LUZP2: variants seen among roughly 807,000 people sequenced by gnomAD.
LUZP2 encodes leucine zipper protein 2.
Under a neutral mutation model 51.6 loss-of-function variants are expected in LUZP2, and 52 were observed. The observed-to-expected ratio is 1.01, with a 90% confidence interval of 0.81 to 1.27. LUZP2 has a LOEUF of 1.27. Among genes scored for constraint, LUZP2 ranks in the 50% most tolerant of loss-of-function variants. The probability of loss-of-function intolerance (pLI) is 0.00; values close to 1 mark genes in which losing one functional copy is unlikely to be tolerated. For synonymous variants in LUZP2, 154 were observed against 137.3 expected, an observed-to-expected ratio of 1.12 and a Z score of -0.85; for missense variants, 436 against 395.4, an observed-to-expected ratio of 1.10 and a Z score of -0.87.
chr11:24,766,853 T>C (rs2716537), intron 5 of LUZP2, among the ~76,000 whole-genome samples: 101,925 of 152,026 alleles, frequency 0.67, 34,307 homozygotes, highest in African/African-American at 0.71. Flanking sequence ...CCTCCACCTC[T>C]TGGGTTCAAG....
At chr11:24,501,419 T>C (rs1849989302) in intron 1 of LUZP2, among the ~76,000 whole-genome samples, 1 of 152,316 alleles carries the variant, frequency 6.6e-6, no homozygotes, top group African/African-American at 2.4e-5. Context: ...AACTTGACCT[T>C]CTAACTAAGA....
chr11:24,863,258 T>C lies in LUZP2; in HGVS notation c.397-42733T>C, dbSNP rs556238963. On this transcript the variant is annotated intron_variant, in intron 5 of 11. Transcript: ENST00000336930. Reference sequence around the variant, plus strand: ...CATACCAAAACATGTACATGAATATTCATGGTGGCATTTTTCAAAATAGCC... The same window carrying C: ...CATACCAAAACATGTACATGAATATCCATGGTGGCATTTTTCAAAATAGCC... Among the ~76,000 whole-genome samples, 7 of 152,308 alleles carry C rather than the reference T, an allele frequency of 4.6e-5. No individual in the cohort carries two copies. In the South Asian group the frequency reaches 1.2e-3, roughly 27 times the overall value.
At chr11:24,598,093 T>C (rs1157950425) in intron 1 of LUZP2, among the ~76,000 whole-genome samples, 1 of 147,290 alleles carries the variant, frequency 6.8e-6, no homozygotes, top group Non-Finnish European at 1.5e-5. Context: ...ATAGTGAGAC[T>C]CTGTCTCAAA....
Position 24,983,145 on chromosome 11 carries a change from T to C in LUZP2, c.617T>C (p.Met206Thr), listed in dbSNP as rs753333234. ...TTGTAGGAGTCACAGATGAAAGCAA[T>C]GAAAGAGACTGTGCAGCTCTGCTTG... ...ALDRESQMKA[M>T]KETVQLCLTS... Residue 206 changes from methionine to threonine, a missense_variant, in exon 9 of 12, where the codon ATG (methionine) becomes ACG (threonine). Physicochemically the swap from Met to Thr is moderately conservative, Grantham distance 81. Coordinates refer to ENST00000336930, the MANE Select transcript of LUZP2 (RefSeq NM_001009909.4). 3.7e-6 allele frequency: 6 copies of C among 1,611,416 alleles called. No individual in the cohort carries two copies. In the Admixed American group the frequency reaches 1.0e-4, roughly 27 times the overall value.
At chr11:25,051,132 A>G (rs1198434156) in intron 10 of LUZP2, among the ~76,000 whole-genome samples, 1 of 152,162 alleles carries the variant, frequency 6.6e-6, no homozygotes, top group Non-Finnish European at 1.5e-5. Flanking sequence ...TAGAAAAGTA[A>G]GTTAAACAAG....
chr11:25,047,387 AT>A lies in LUZP2; in HGVS notation c.766-2643del, dbSNP rs1247661102. ...AATTTTCTTTTTTTTATTTTTTTTA[AT>A]TTTTTTTAATTTTTTTTTTATTATA... On this transcript the variant is annotated intron_variant, in intron 9 of 11. Transcript: ENST00000336930. Among the ~76,000 whole-genome samples the A allele has an allele frequency of 4.1e-3, 58 of 14,076 alleles. 2 individuals are homozygous for A. The South Asian group carries it at 0.19, about 46-fold the overall frequency. The allele number at this position is 14,076 out of a possible 152,430, so 9.2% of individuals were successfully genotyped here.
intron 5 of LUZP2, among the ~76,000 whole-genome samples, chr11:24,854,344 A>G (rs562697364): frequency 3.3e-5 from 5 of 152,342 alleles, no homozygotes; most frequent in African/African-American, 1.2e-4. Flanking sequence ...GTAGAGAGGC[A>G]GTCTGGCTAC....
intron 1 of LUZP2, among the ~76,000 whole-genome samples, chr11:24,723,376 C>T (rs565823729): frequency 6.6e-6 from 1 of 152,122 alleles, no homozygotes; most frequent in Non-Finnish European, 1.5e-5. Context: ...GATATATACC[C>T]AGCATAAACG....
At chr11:24,777,014 G>A (rs1305554611) in intron 5 of LUZP2, among the ~76,000 whole-genome samples, 4 of 113,738 alleles carry the variant, frequency 3.5e-5, no homozygotes, top group Non-Finnish European at 5.6e-5. Context: ...TTTTTTTTTA[G>A]ACAAGAGTTT....
At chr11:24,504,989 C>T (rs926792482) in intron 1 of LUZP2, among the ~76,000 whole-genome samples, 1 of 152,178 alleles carries the variant, frequency 6.6e-6, no homozygotes, top group African/African-American at 2.4e-5. Context: ...TTTGGCATCT[C>T]ATCTTCAGGT....
chr11:25,078,744 TA>T lies in LUZP2; in HGVS notation c.*89del. On this transcript the variant is annotated 3_prime_UTR_variant, in exon 12 of 12. Transcript: ENST00000336930. ...ACAAGCTTGATGGAAATACTGTTTC[TA>T]AAGCATGCAACTTTTTCACAATTTT... is the stretch of plus-strand genomic sequence containing the variant. 1 of 1,031,346 alleles carries T rather than the reference TA, an allele frequency of 9.7e-7. No individual in the cohort carries two copies. Among genetic ancestry groups the T allele is most frequent in the Non-Finnish European group, 1.4e-6 (1 of 697,908 alleles). The allele number at this position is 1,031,346 out of a possible 1,614,324, so 63.9% of individuals were successfully genotyped here. A position where few individuals can be genotyped will look rare whatever the true frequency, so the allele number is the denominator to read the frequency against.
At chr11:24,905,913 G>A in intron 5 of LUZP2, 78 bp from the exon 6 acceptor site, 3 of 1,016,896 alleles carry the variant, frequency 3.0e-6, no homozygotes, top group East Asian at 2.4e-5. Flanking sequence ...AGAACATAAA[G>A]CAATAATGTT....
At chr11:25,008,674 G>A (rs1361968131) in intron 9 of LUZP2, among the ~76,000 whole-genome samples, 1 of 152,146 alleles carries the variant, frequency 6.6e-6, no homozygotes, top group African/African-American at 2.4e-5. Context: ...AGAAGAATGA[G>A]GTTATGTGGA....
intron 1 of LUZP2, among the ~76,000 whole-genome samples, chr11:24,609,729 C>CAAAAAAAAA (rs34436907): frequency 4.6e-5 from 3 of 65,912 alleles, no homozygotes; most frequent in African/African-American, 2.2e-4. Flanking sequence ...GACTCCAGCT[C>CAAAAAAAAA]AAAAAAAAAA....
Position 24,521,088 on chromosome 11 carries a change from C to T in LUZP2, c.62+23783C>T, listed in dbSNP as rs1912141. On this transcript the variant is annotated intron_variant, in intron 1 of 11. Transcript: ENST00000336930. The stretch of plus-strand genomic sequence containing the variant: ...TTGTGTGGCTGGGCGTGGTGGCTCA[C>T]GCCTGTAATCCCAGCACTTTGGGAG... Among the ~76,000 whole-genome samples the T allele has an allele frequency of 3.9e-5, 6 of 152,180 alleles. No homozygotes were observed. In the East Asian group the frequency reaches 7.7e-4, roughly 20 times the overall value.
intron 9 of LUZP2, among the ~76,000 whole-genome samples, chr11:25,016,527 T>C (rs2133966654): frequency 6.6e-6 from 1 of 152,174 alleles, no homozygotes; most frequent in South Asian, 2.1e-4. Context: ...TATATATACA[T>C]ATATATGTAT....
intron 9 of LUZP2, among the ~76,000 whole-genome samples, chr11:25,005,083 G>T (rs114740940): frequency 6.6e-6 from 1 of 152,126 alleles, no homozygotes; most frequent in African/African-American, 2.4e-5. Flanking sequence ...GTCAGAGAGG[G>T]AGAAGGGACA....
At chr11:24,709,595 C>T (rs1373429672) in intron 1 of LUZP2, among the ~76,000 whole-genome samples, 1 of 152,064 alleles carries the variant, frequency 6.6e-6, no homozygotes, top group Non-Finnish European at 1.5e-5. Flanking sequence ...TGAGGAATTC[C>T]ATTTCAAATT....
chr11:24,774,147 A>C (rs369750157), intron 5 of LUZP2, among the ~76,000 whole-genome samples: 31 of 151,868 alleles, frequency 2.0e-4, no homozygotes, highest in African/African-American at 7.5e-4. Context: ...GAAAAATGTG[A>C]AAAGAGAGAC....
Sources: allele counts gnomAD v4.1 joint callset (sites outside exome capture counted in the v4.1 genomes callset), GRCh38; gene constraint gnomAD v4.1.1; transcripts MANE v1.5; gene names NCBI Gene and HGNC (gene_info 2026-07-23, HGNC 2026-07-21).